CARMIL1: variants seen among roughly 807,000 people sequenced by gnomAD.
CARMIL1 encodes capping protein regulator and myosin 1 linker 1, also known as F-actin-uncapping protein LRRC16A.
CARMIL1 carries 90 observed loss-of-function variants against 177.1 expected under a neutral mutation model. The ratio of observed to expected loss-of-function variants is 0.51; its 90% CI spans 0.43 to 0.61. The LOEUF (loss-of-function observed/expected upper bound fraction) is 0.61. Ranked by LOEUF, CARMIL1 falls within the 20% of genes least tolerant of loss-of-function variation. The pLI, the probability that CARMIL1 is intolerant of heterozygous loss-of-function variation, is 0.00. For missense variants in CARMIL1, 1,380 were observed against 1,667.0 expected, an observed-to-expected ratio of 0.83 and a Z score of 3.00; for synonymous variants, 577 against 606.2, an observed-to-expected ratio of 0.95 and a Z score of 0.71.
chr6:25,338,026 G>A (rs80225929), intron 2 of CARMIL1, among the ~76,000 whole-genome samples: 9,382 of 152,194 alleles, frequency 0.062, 385 homozygotes, highest in South Asian at 0.17. Flanking sequence ...TGAGGCTGAG[G>A]CGGGTGGACC....
chr6:25,473,586 A>T (rs914254257), intron 11 of CARMIL1, among the ~76,000 whole-genome samples: 100 of 152,324 alleles, frequency 6.6e-4, no homozygotes, highest in African/African-American at 2.2e-3. Context: ...GACTAGGCTG[A>T]GGAGAAGGAG....
rs1156972732 is a variant in CARMIL1 at position 25,321,586 on chromosome 6, AT to A, written c.138+36680del. Among the ~76,000 whole-genome samples the A allele has an allele frequency of 1.3e-4, 20 of 152,278 alleles. 1 individual carries two copies. The highest frequency in any genetic ancestry group is 6.8e-3 in the Middle Eastern group (2 of 294). Reference sequence around the variant, plus strand: ...CCATCTAAAAATGATAACGCAGGAAATTTGAATATTCAGTACTGTTTTAAAC... The same window carrying A: ...CCATCTAAAAATGATAACGCAGGAAATTGAATATTCAGTACTGTTTTAAAC... On this transcript the variant is annotated intron_variant, in intron 2 of 36. Transcript: ENST00000329474.
chr6:25,519,857 G>A (rs185086000), intron 22 of CARMIL1, among the ~76,000 whole-genome samples: 26 of 152,320 alleles, frequency 1.7e-4, no homozygotes, highest in Admixed American at 1.7e-3. Flanking sequence ...GGGGACCCAG[G>A]TAGAGTCAGA....
chr6:25,297,259 C>T (rs752551681), intron 2 of CARMIL1, among the ~76,000 whole-genome samples: 2 of 152,202 alleles, frequency 1.3e-5, no homozygotes, highest in African/African-American at 2.4e-5. Flanking sequence ...CACAGAGTGA[C>T]GTAGTCACAT....
intron 2 of CARMIL1, among the ~76,000 whole-genome samples, chr6:25,360,614 G>A (rs998900952): frequency 3.3e-5 from 5 of 152,178 alleles, no homozygotes; most frequent in Admixed American, 2.6e-4. Flanking sequence ...GGAGAAGACT[G>A]GGATAGCCAA....
At chr6:25,424,722 C>G (rs992592562) in intron 3 of CARMIL1, among the ~76,000 whole-genome samples, 17 of 152,082 alleles carry the variant, frequency 1.1e-4, no homozygotes, top group African/African-American at 4.1e-4. Flanking sequence ...GCTTAAATTG[C>G]TGTTTTAAAG....
At chr6:25,596,850 GACACACACAC>G (rs34651019) in intron 32 of CARMIL1, among the ~76,000 whole-genome samples, 9 of 149,056 alleles carry the variant, frequency 6.0e-5, no homozygotes, top group African/African-American at 1.5e-4. Context: ...CAAACACACA[GACACACACAC>G]ACACACACAC....
chr6:25,296,953 A>AACTC (rs1469212369), intron 2 of CARMIL1, among the ~76,000 whole-genome samples: 1 of 142,792 alleles, frequency 7.0e-6, no homozygotes, highest in Non-Finnish European at 1.6e-5. Context: ...CTAACTAACT[A>AACTC]ACTAACTAAC....
At chr6:25,438,572 A>G (rs1273325001) in intron 5 of CARMIL1, among the ~76,000 whole-genome samples, 2 of 152,226 alleles carry the variant, frequency 1.3e-5, no homozygotes, top group South Asian at 4.1e-4. Context: ...AAAGAATATC[A>G]TCTTCCCAGG....
chr6:25,370,248 A>G (rs892969641), intron 2 of CARMIL1, among the ~76,000 whole-genome samples: 2 of 152,180 alleles, frequency 1.3e-5, no homozygotes, highest in Non-Finnish European at 2.9e-5. Context: ...TGCTTTTATG[A>G]GTGTGATATT....
At chr6:25,435,079 GGAGAAGTCGT>G (rs1797112501) in intron 4 of CARMIL1, among the ~76,000 whole-genome samples, 1 of 152,108 alleles carries the variant, frequency 6.6e-6, no homozygotes, top group African/African-American at 2.4e-5. Context: ...CTTGGTAAAA[GGAGAAGTCGT>G]GTTTGAATGT....
chr6:25,325,696 AGT>A (rs1407442344), intron 2 of CARMIL1, among the ~76,000 whole-genome samples: 1 of 150,818 alleles, frequency 6.6e-6, no homozygotes, highest in Non-Finnish European at 1.5e-5. Context: ...TGTAGCAGAC[AGT>A]GTGCTGAAGA....
chr6:25,594,972 T>G (rs1383708307), intron 32 of CARMIL1, among the ~76,000 whole-genome samples: 1 of 152,136 alleles, frequency 6.6e-6, no homozygotes, highest in Non-Finnish European at 1.5e-5. Context: ...ATAATTTGAT[T>G]TATTGGGTTG....
intron 32 of CARMIL1, among the ~76,000 whole-genome samples, chr6:25,596,169 A>AATTTTTGGTAAATTTTGTAT (rs60226430): frequency 9.6e-6 from 1 of 104,450 alleles, no homozygotes; most frequent in Non-Finnish European, 2.1e-5. Context: ...AAATTTTGTA[A>AATTTTTGGTAAATTTTGTAT]GGTATAAAAT....
intron 2 of CARMIL1, among the ~76,000 whole-genome samples, chr6:25,371,225 C>T (rs548425582): frequency 4.6e-5 from 7 of 152,184 alleles, no homozygotes; most frequent in South Asian, 2.1e-4. Flanking sequence ...GATGTGTGCA[C>T]GTGTCTTTTT....
intron 16 of CARMIL1, among the ~76,000 whole-genome samples, chr6:25,497,990 T>C (rs1208299518): frequency 6.6e-6 from 1 of 152,184 alleles, no homozygotes; most frequent in South Asian, 2.1e-4. Flanking sequence ...CTAAAATTGC[T>C]AGAATAGTCT....
chr6:25,527,779 T>G (rs142099950), intron 23 of CARMIL1: 10 of 361,718 alleles, frequency 2.8e-5, no homozygotes, highest in Non-Finnish European at 4.2e-5. Flanking sequence ...TTATAGTCTG[T>G]ATTTTAATAG....
intron 24 of CARMIL1, among the ~76,000 whole-genome samples, chr6:25,532,804 C>A (rs1253634738): frequency 3.3e-5 from 5 of 152,134 alleles, no homozygotes; most frequent in Non-Finnish European, 7.4e-5. Flanking sequence ...ACTCAGCAAA[C>A]CTTTTCTGTA....
chr6:25,463,563 C>T (rs1048680686), intron 8 of CARMIL1, among the ~76,000 whole-genome samples: 6 of 152,130 alleles, frequency 3.9e-5, no homozygotes, highest in Non-Finnish European at 8.8e-5. Context: ...GAAGTGTGGT[C>T]ACTCCTTGAC....
Sources: allele counts gnomAD v4.1 joint callset (sites outside exome capture counted in the v4.1 genomes callset), GRCh38; gene constraint gnomAD v4.1.1; transcripts MANE v1.5; gene names NCBI Gene and HGNC (gene_info 2026-07-23, HGNC 2026-07-21).